Variants in RANBP2 observed in about 807,000 individuals in gnomAD.
The protein encoded by RANBP2 is RAN binding protein 2.
In RANBP2, 57 loss-of-function variants were observed where a neutral mutation model predicts 303.6. The ratio of observed to expected loss-of-function variants is 0.19; its 90% CI spans 0.15 to 0.23. The LOEUF is 0.23. RANBP2 is among the 10% of genes least tolerant of loss of function. The pLI is 1.00. For missense variants in RANBP2, 3,138 were observed against 3,780.8 expected (o/e 0.83, Z 4.46); for synonymous variants, 1,167 against 1,301.5 (o/e 0.90, Z 2.23).
the RANBP2 span, among the ~76,000 whole-genome samples, chr2:109,539,222 C>T: frequency 3.9e-5 from 6 of 152,032 alleles, no homozygotes; most frequent in African/African-American, 1.4e-4. Context: ...CGCTTGAACC[C>T]AGGAGGCAGA....
chr2:108,907,968 G>A, the RANBP2 span: 1 of 1,613,102 alleles, frequency 6.2e-7, no homozygotes, highest in Non-Finnish European at 8.5e-7. Context: ...CCTCATCACT[G>A]TCGACGCTCC....
At position 108,719,497 on chromosome 2, in the gene RANBP2, C is replaced by T. The variant is rs530872470; in HGVS notation, c.-110C>T. ...CAAGTTCGTCACAGTGGTCCTCCGC[C>T]GGCTACGGCGCTGCGTCACTGGTTT... On this transcript the variant is annotated 5_prime_UTR_variant, in exon 1 of 29. Transcript: ENST00000283195. 134 of 1,516,414 alleles carry T rather than the reference C, an allele frequency of 8.8e-5. 2 individuals carry two copies. The South Asian group carries it at 1.3e-3, about 15-fold the overall frequency. 93.9% of individuals were successfully genotyped at this position (1,516,414 alleles called of 1,614,324 possible). A position where few individuals can be genotyped will look rare whatever the true frequency, so the allele number is the denominator to read the frequency against.
At chr2:109,474,142 G>T in the RANBP2 span, among the ~76,000 whole-genome samples, 1 of 152,140 alleles carries the variant, frequency 6.6e-6, no homozygotes, top group Non-Finnish European at 1.5e-5. Context: ...GACGCAGGTG[G>T]CCAGGGAAGC....
At chr2:109,714,380 C>T in the RANBP2 span, among the ~76,000 whole-genome samples, 1 of 152,048 alleles carries the variant, frequency 6.6e-6, no homozygotes. Context: ...TGGCTCACTG[C>T]AACCTCTTCC....
the RANBP2 span, among the ~76,000 whole-genome samples, chr2:108,817,386 G>A: frequency 4.0e-5 from 6 of 151,726 alleles, no homozygotes; most frequent in Middle Eastern, 3.4e-3. Context: ...TCCACCTCCC[G>A]GGTTCAAGTG....
chr2:109,090,306 C>T, the RANBP2 span, among the ~76,000 whole-genome samples: 5 of 132,590 alleles, frequency 3.8e-5, no homozygotes, highest in South Asian at 4.5e-4. Context: ...TAGGACACCT[C>T]GCCTCACACA....
chr2:109,010,763 A>G, the RANBP2 span, among the ~76,000 whole-genome samples: 1 of 152,244 alleles, frequency 6.6e-6, no homozygotes, highest in African/African-American at 2.4e-5. Context: ...GCTAAGACAC[A>G]TGATATATTG....
the RANBP2 span, among the ~76,000 whole-genome samples, chr2:109,139,886 A>C: frequency 0.033 from 5,053 of 152,338 alleles, 114 homozygotes; most frequent in Non-Finnish European, 0.052. Context: ...AGGGGTCTAC[A>C]TCCAAAAGGC....
At chr2:109,390,071 C>T in the RANBP2 span, among the ~76,000 whole-genome samples, 51 of 152,294 alleles carry the variant, frequency 3.3e-4, no homozygotes, top group African/African-American at 1.2e-3. Flanking sequence ...AGCACACACC[C>T]CACCGGAGGG....
the RANBP2 span, among the ~76,000 whole-genome samples, chr2:109,045,182 C>T: frequency 1.3e-5 from 2 of 151,890 alleles, no homozygotes; most frequent in South Asian, 2.1e-4. Context: ...TGGAAAGAGT[C>T]GAAGGTGTTG....
At chr2:109,368,762 C>T in the RANBP2 span, among the ~76,000 whole-genome samples, 1 of 149,948 alleles carries the variant, frequency 6.7e-6, no homozygotes, top group Non-Finnish European at 1.5e-5. Context: ...CAAAATTAAT[C>T]TGGCATTTTC....
At chr2:109,217,145 G>A in the RANBP2 span, among the ~76,000 whole-genome samples, 14 of 152,146 alleles carry the variant, frequency 9.2e-5, no homozygotes, top group Non-Finnish European at 1.6e-4. Context: ...TCCATCGTAC[G>A]GTCATCCACA....
chr2:109,106,009 A>G, the RANBP2 span, among the ~76,000 whole-genome samples: 51 of 150,542 alleles, frequency 3.4e-4, no homozygotes, highest in African/African-American at 1.1e-3. Context: ...ACGTGCCACC[A>G]TGCCCGGCTA....
the RANBP2 span, among the ~76,000 whole-genome samples, chr2:108,951,266 C>T: frequency 2.0e-5 from 3 of 152,166 alleles, no homozygotes; most frequent in Non-Finnish European, 2.9e-5. Context: ...TTGACCAGGC[C>T]AATGCCATGT....
chr2:109,128,462 G>T, the RANBP2 span: 1 of 152,098 alleles, frequency 6.6e-6, no homozygotes, highest in African/African-American at 2.4e-5. Context: ...CCTCCGACCC[G>T]CGACTCCGGC....
At position 108,751,595 on chromosome 2, in the gene RANBP2, G is replaced by A. The variant is rs777104252; in HGVS notation, c.1523G>A (p.Ser508Asn). 1.6e-5 allele frequency: 25 copies of A among 1,610,722 alleles called. No individual in the cohort carries two copies. The highest frequency in any genetic ancestry group is 2.0e-5 in the Non-Finnish European group (24 of 1,179,234). ...AAGGAGAAATGTAATTCTCACCACA[G>A]CTCCTATCAGCCGTTATGCCTGCCC... ...QLKEKCNSHH[S>N]SYQPLCLPLP... Residue 508 changes from serine to asparagine, a missense_variant, in exon 11 of 29, where the codon AGC becomes AAC. Physicochemically the swap from Ser to Asn is conservative, Grantham distance 46 (BLOSUM62 1). This residue lies in a region of RANBP2 where 162 missense variants were observed against 286.9 expected (regional missense o/e 0.56). Coordinates refer to ENST00000283195, the MANE Select transcript of RANBP2 (RefSeq NM_006267.5).
At chr2:109,332,775 G>GC in the RANBP2 span, among the ~76,000 whole-genome samples, 1 of 152,214 alleles carries the variant, frequency 6.6e-6, no homozygotes, top group Non-Finnish European at 1.5e-5. Context: ...AGGCACAGGT[G>GC]CTAGTGTGGG....
At chr2:109,525,383 C>T in the RANBP2 span, among the ~76,000 whole-genome samples, 3 of 152,146 alleles carry the variant, frequency 2.0e-5, no homozygotes, top group South Asian at 2.1e-4. Flanking sequence ...AGGCTGGTCT[C>T]GAACTCCTGA....
the RANBP2 span, among the ~76,000 whole-genome samples, chr2:108,836,203 T>A: frequency 6.6e-6 from 1 of 152,188 alleles, no homozygotes; most frequent in Non-Finnish European, 1.5e-5. Flanking sequence ...CCATTCAATT[T>A]TCTGCTTCAA....
Sources: gnomAD v4.1 joint callset for allele counts (sites outside exome capture counted in the v4.1 genomes callset) on GRCh38, gnomAD v4.1.1 for gene constraint, gnomAD v4.1.1 regional missense constraint, MANE v1.5 for transcripts, NCBI Gene and HGNC (gene_info 2026-07-23, HGNC 2026-07-21) for gene names.